LGI1: variants seen among roughly 807,000 people sequenced by gnomAD.
The protein encoded by LGI1 is leucine rich glioma inactivated 1.
In LGI1, 11 loss-of-function variants were observed where a neutral mutation model predicts 57.7. The ratio of observed to expected loss-of-function variants is 0.19; its 90% CI spans 0.12 to 0.32. The LOEUF is 0.32. Ranked by LOEUF, LGI1 falls within the 10% of genes least tolerant of loss-of-function variation. LGI1 has a pLI of 1.00. For synonymous variants in LGI1, 222 were observed against 241.9 expected (o/e 0.92, Z 0.76); for missense variants, 422 against 661.9 (o/e 0.64, Z 3.98).
chr10:93,758,424 G>A lies in LGI1; in HGVS notation c.215+65G>A. On this transcript the variant is annotated intron_variant, in intron 1 of 7. Coordinates refer to ENST00000371418, the MANE Select transcript of LGI1 (RefSeq NM_005097.4). This position sits in a 1 kb window ranked among gnomAD's most constrained non-coding sequence, Gnocchi z 4.7. ...AAAAATTCCAGCCGGTGGATTTGGGGCTTTGCATGTATTTGTAGAAGGGCA... is the reference window on the plus strand; with the variant it reads ...AAAAATTCCAGCCGGTGGATTTGGGACTTTGCATGTATTTGTAGAAGGGCA... 6.8e-7 allele frequency: 1 copy of A among 1,468,604 alleles called. No individual in the cohort carries two copies. The highest frequency in any genetic ancestry group is 2.3e-5 in the East Asian group (1 of 44,190). 91.0% of individuals were successfully genotyped at this position (1,468,604 alleles called of 1,614,324 possible).
intron 2 of LGI1, chr10:93,770,378 C>T (rs1271814365): frequency 6.6e-6 from 1 of 152,372 alleles, no homozygotes; most frequent in East Asian, 1.9e-4. Flanking sequence ...TTAGCACCAA[C>T]ACATGAGCCT....
In LGI1 at chr10:93,758,842, T is replaced by G; in HGVS notation, c.287+11T>G. ...ATCGCTGCAGCTCTTGTGAGAAATA[T>G]TTATATCATGACTATTTTTAATATG... On this transcript the variant is annotated intron_variant, in intron 2 of 7. Transcript: ENST00000371418. The surrounding 1 kb of genome is among the most constrained non-coding windows in gnomAD (Gnocchi z 4.7). The G allele has an allele frequency of 1.9e-6, 3 of 1,583,956 alleles. No individual in the cohort carries two copies. The highest frequency in any genetic ancestry group is 2.6e-6 in the Non-Finnish European group (3 of 1,153,066).
At chr10:93,765,925 G>C (rs1458949003) in intron 2 of LGI1, among the ~76,000 whole-genome samples, 1 of 146,380 alleles carries the variant, frequency 6.8e-6, no homozygotes, top group Non-Finnish European at 1.5e-5. Flanking sequence ...AGCCGAGATC[G>C]CGCCACTGCA....
intron 5 of LGI1, chr10:93,790,423 G>A: frequency 6.4e-6 from 3 of 471,184 alleles, no homozygotes; most frequent in South Asian, 6.0e-5. Flanking sequence ...ATACGGCAGG[G>A]AGCGATGATA....
chr10:93,779,726 A>G (rs1056321925), intron 4 of LGI1, among the ~76,000 whole-genome samples: 2 of 152,192 alleles, frequency 1.3e-5, no homozygotes, highest in Non-Finnish European at 2.9e-5. Flanking sequence ...CTGATACAGA[A>G]CACGCTTAAC....
chr10:93,766,512 C>CTTTTTTT lies in LGI1; in HGVS notation c.287+7685_287+7691dup, dbSNP rs71031537. Among the ~76,000 whole-genome samples the CTTTTTTT allele has an allele frequency of 5.9e-5, 5 of 84,578 alleles. 1 individual carries two copies. Among genetic ancestry groups the CTTTTTTT allele is most frequent in the African/African-American group, 2.0e-4 (4 of 20,376 alleles). 55.5% of individuals were successfully genotyped at this position (84,578 alleles called of 152,430 possible). Reference sequence around the variant, plus strand: ...TTGGTGCTAAGCATTTTATAGATCTCTTTTTTTTTTGAGACGGAGTCTCGC... The same window carrying CTTTTTTT: ...TTGGTGCTAAGCATTTTATAGATCTCTTTTTTTTTTTTTTTTTGAGACGGAGTCTCGC... On this transcript the variant is annotated intron_variant, in intron 2 of 7. Coordinates refer to ENST00000371418, the MANE Select transcript of LGI1 (RefSeq NM_005097.4).
At chr10:93,787,151 C>T (rs2059898379) in intron 4 of LGI1, among the ~76,000 whole-genome samples, 1 of 152,152 alleles carries the variant, frequency 6.6e-6, no homozygotes, top group African/African-American at 2.4e-5. Flanking sequence ...TTCTCATGCC[C>T]ATCACTCACC....
At chr10:93,785,409 T>C (rs2059886740) in intron 4 of LGI1, among the ~76,000 whole-genome samples, 1 of 152,166 alleles carries the variant, frequency 6.6e-6, no homozygotes, top group African/African-American at 2.4e-5. Context: ...TAAGTGAAAT[T>C]CATATCCTTT....
At chr10:93,764,011 G>C (rs2059649382) in intron 2 of LGI1, 1 of 152,140 alleles carries the variant, frequency 6.6e-6, no homozygotes, top group African/African-American at 2.4e-5. Flanking sequence ...GCCAAAATAA[G>C]TATTTATTTA....
intron 2 of LGI1, chr10:93,762,942 C>G (rs2059638648): frequency 6.6e-6 from 1 of 152,142 alleles, no homozygotes; most frequent in Non-Finnish European, 1.5e-5. Context: ...TTACCTGACC[C>G]CTCTCTTTCA....
Position 93,797,096 on chromosome 10 carries a change from G to A in LGI1, c.967G>A (p.Asp323Asn). The A allele has an allele frequency of 1.9e-6, 3 of 1,613,272 alleles. No homozygotes were observed. Among genetic ancestry groups the A allele is most frequent in the Non-Finnish European group, 2.5e-6 (3 of 1,179,544 alleles). ...TGCAAATAAATTCATAAAAATCCAG[G>A]ATATTGAAATTCTCAAAATCCGAAA... ...SFANKFIKIQ[D>N]IEILKIRKPN... Residue 323 changes from aspartate (D) to asparagine (N), a missense_variant, in exon 8 of 8, where the codon GAT (aspartate) becomes AAT (asparagine). Physicochemically the swap from Asp to Asn is conservative, Grantham distance 23. This residue lies in a region of LGI1 where 301 missense variants were observed against 461.7 expected (regional missense o/e 0.65). Transcript: ENST00000371418. This position sits in a 1 kb window ranked among gnomAD's most constrained non-coding sequence, Gnocchi z 6.5.
intron 4 of LGI1, among the ~76,000 whole-genome samples, chr10:93,781,655 A>G (rs1226645332): frequency 1.3e-5 from 2 of 152,188 alleles, no homozygotes; most frequent in African/African-American, 2.4e-5. Context: ...TGATGAATAT[A>G]TGTTATTTTG....
intron 4 of LGI1, chr10:93,789,079 C>G (rs1029967716): frequency 3.3e-5 from 5 of 152,102 alleles, no homozygotes; most frequent in Non-Finnish European, 7.3e-5. Context: ...CTTTCCTTGA[C>G]ATTATCAGGA....
intron 5 of LGI1, chr10:93,790,382 C>T: frequency 1.8e-6 from 1 of 556,016 alleles, no homozygotes; most frequent in South Asian, 2.4e-5. Context: ...ATACATGGCA[C>T]CCAGGCATTC....
At chr10:93,787,906 C>CAAAA (rs61222250) in intron 4 of LGI1, among the ~76,000 whole-genome samples, 3 of 115,706 alleles carry the variant, frequency 2.6e-5, no homozygotes, top group African/African-American at 9.2e-5. Flanking sequence ...GACCCTGTCT[C>CAAAA]AAAAAAAAAA....
At chr10:93,778,411 TCA>T (rs377346403) in intron 4 of LGI1, among the ~76,000 whole-genome samples, 23 of 146,574 alleles carry the variant, frequency 1.6e-4, no homozygotes, top group African/African-American at 3.3e-4. Context: ...ACACACACAC[TCA>T]CACACACACT....
chr10:93,775,888 C>G (rs2059789842), intron 2 of LGI1: 1 of 152,216 alleles, frequency 6.6e-6, no homozygotes, highest in Non-Finnish European at 1.5e-5. Context: ...ATTCTCTCCA[C>G]TGCTGATGCT....
intron 7 of LGI1, among the ~76,000 whole-genome samples, 196 bp from the exon 8 acceptor site, chr10:93,796,772 G>A (rs1317822243): frequency 6.6e-6 from 1 of 152,166 alleles, no homozygotes; most frequent in Non-Finnish European, 1.5e-5. Flanking sequence ...TGGCAACAAG[G>A]CCCCACGAGG....
chr10:93,772,055 C>T (rs1279430360), intron 2 of LGI1: 1 of 149,662 alleles, frequency 6.7e-6, no homozygotes, highest in Non-Finnish European at 1.5e-5. Context: ...CAAATTTAAA[C>T]TTCTATATGT....
Sources: gnomAD v4.1 joint callset for allele counts (sites outside exome capture counted in the v4.1 genomes callset) on GRCh38, gnomAD v4.1.1 for gene constraint, gnomAD v4.1.1 regional missense constraint, Gnocchi (gnomAD v3.1) non-coding constraint, MANE v1.5 for transcripts, NCBI Gene and HGNC (gene_info 2026-07-23, HGNC 2026-07-21) for gene names.